ZFPM2: variants seen among roughly 807,000 people sequenced by gnomAD.
ZFPM2 encodes zinc finger protein, FOG family member 2, also known as zinc finger protein ZFPM2.
Under a neutral mutation model 98.6 loss-of-function variants are expected in ZFPM2, and 20 were observed. That is an observed-to-expected ratio of 0.20 (90% CI 0.14 to 0.29). ZFPM2 has a LOEUF of 0.29. ZFPM2 is among the 10% of genes least tolerant of loss of function. ZFPM2 has a pLI of 1.00. For synonymous variants in ZFPM2, 518 were observed against 502.7 expected (o/e 1.03, Z -0.41); for missense variants, 1,310 against 1,388.6 (o/e 0.94, Z 0.90).
chr8:105,749,593 CTT>C (rs1294003079), intron 5 of ZFPM2, among the ~76,000 whole-genome samples: 2 of 152,008 alleles, frequency 1.3e-5, no homozygotes, highest in Non-Finnish European at 1.5e-5. Context: ...TGGGAGCTCT[CTT>C]TGTGAGCTGT....
chr8:105,697,068 A>T (rs1416256712), intron 5 of ZFPM2, among the ~76,000 whole-genome samples: 2 of 152,212 alleles, frequency 1.3e-5, no homozygotes, highest in Admixed American at 1.3e-4. Context: ...CTGTGAACAC[A>T]TGATTATCTG....
At chr8:105,365,405 G>C (rs555677903) in intron 1 of ZFPM2, among the ~76,000 whole-genome samples, 1 of 152,154 alleles carries the variant, frequency 6.6e-6, no homozygotes, top group African/African-American at 2.4e-5. Flanking sequence ...GCCTGTCTTG[G>C]GGTAGCAAAC....
chr8:105,508,913 G>T (rs1233199581), intron 3 of ZFPM2, among the ~76,000 whole-genome samples: 1 of 151,502 alleles, frequency 6.6e-6, no homozygotes, highest in Non-Finnish European at 1.5e-5. Context: ...AGCTGCTTGA[G>T]TGTGTTTAGA....
At position 105,803,353 on chromosome 8, in the gene ZFPM2, T is replaced by G. The variant is rs1470440375; in HGVS notation, c.3271T>G (p.Ser1091Ala). The change falls in exon 8 of 8, where the codon TCA becomes GCA. Residue 1091 changes from serine (S) to alanine (A), a missense_variant. Transcript: ENST00000407775. ...CCCATTAGCTGCCAATGAGAATGTC[T>G]CACCAGGAATTCCCTCAGCAGAGGA... ...ENPLAANENVSPGIPSAEEQL... is the reference protein window; with the variant it reads ...ENPLAANENVAPGIPSAEEQL... The G allele has an allele frequency of 1.2e-6, 2 of 1,610,420 alleles. No individual in the cohort carries two copies. The highest frequency in any genetic ancestry group is 2.7e-5 in the African/African-American group (2 of 74,816).
At chr8:105,715,179 A>T (rs1811489362) in intron 5 of ZFPM2, among the ~76,000 whole-genome samples, 1 of 152,044 alleles carries the variant, frequency 6.6e-6, no homozygotes, top group Non-Finnish European at 1.5e-5. Flanking sequence ...TGGGAGAATC[A>T]CTTGAGCCCA....
chr8:105,554,679 A>G (rs1469123056), intron 3 of ZFPM2, among the ~76,000 whole-genome samples: 1 of 152,198 alleles, frequency 6.6e-6, no homozygotes, highest in African/African-American at 2.4e-5. Flanking sequence ...AGCAAATGCA[A>G]TATGATCTTC....
intron 6 of ZFPM2, among the ~76,000 whole-genome samples, chr8:105,790,440 T>C (rs911463266): frequency 5.9e-5 from 9 of 152,222 alleles, no homozygotes; most frequent in African/African-American, 1.9e-4. Flanking sequence ...TTCTGTTCCA[T>C]TGATCTATAT....
At chr8:105,658,911 A>G (rs1817338981) in intron 5 of ZFPM2, among the ~76,000 whole-genome samples, 1 of 152,236 alleles carries the variant, frequency 6.6e-6, no homozygotes, top group Non-Finnish European at 1.5e-5. Context: ...AATTGAAGCT[A>G]TGAAAGGAAT....
At chr8:105,496,652 ACT>A (rs1168295506) in intron 3 of ZFPM2, among the ~76,000 whole-genome samples, 1 of 138,640 alleles carries the variant, frequency 7.2e-6, no homozygotes, top group African/African-American at 2.7e-5. Context: ...TGTTGAAGTG[ACT>A]CTTTTTTTTG....
At chr8:105,329,258 A>G (rs926600092) in intron 1 of ZFPM2, among the ~76,000 whole-genome samples, 1 of 151,862 alleles carries the variant, frequency 6.6e-6, no homozygotes, top group African/African-American at 2.4e-5. Context: ...CTGAAGGACA[A>G]AAAGGTCAGT....
intron 5 of ZFPM2, among the ~76,000 whole-genome samples, chr8:105,635,740 A>G (rs776796931): frequency 5.3e-5 from 8 of 152,218 alleles, no homozygotes; most frequent in Non-Finnish European, 7.3e-5. Flanking sequence ...CTGTTGTACA[A>G]TATTTTATCT....
intron 3 of ZFPM2, among the ~76,000 whole-genome samples, chr8:105,542,015 T>C (rs2130627674): frequency 6.6e-6 from 1 of 152,206 alleles, no homozygotes; most frequent in Middle Eastern, 3.4e-3. Context: ...GGAAAATAAG[T>C]AAAATAAACA....
intron 5 of ZFPM2, among the ~76,000 whole-genome samples, chr8:105,765,568 C>T (rs1237878255): frequency 6.6e-6 from 1 of 151,736 alleles, no homozygotes; most frequent in Admixed American, 6.6e-5. Flanking sequence ...GAGTGTTGCA[C>T]CAAATGGTAG....
chr8:105,729,146 C>T (rs1270684944), intron 5 of ZFPM2, among the ~76,000 whole-genome samples: 4 of 151,540 alleles, frequency 2.6e-5, no homozygotes, highest in East Asian at 1.9e-4. Flanking sequence ...CACTATTTTT[C>T]GATATAGAAA....
At chr8:105,710,471 G>A (rs546389495) in intron 5 of ZFPM2, among the ~76,000 whole-genome samples, 6 of 152,030 alleles carry the variant, frequency 3.9e-5, no homozygotes, top group Non-Finnish European at 8.8e-5. Context: ...ATGGTGAAAG[G>A]AAATTCTTTT....
intron 4 of ZFPM2, among the ~76,000 whole-genome samples, chr8:105,629,299 G>C (rs368770048): frequency 6.6e-6 from 1 of 152,134 alleles, no homozygotes; most frequent in Non-Finnish European, 1.5e-5. Context: ...CCTGTGAAGG[G>C]GTCAGGGAAA....
intron 1 of ZFPM2, among the ~76,000 whole-genome samples, chr8:105,322,965 A>G (rs1250432024): frequency 2.0e-5 from 3 of 151,956 alleles, no homozygotes; most frequent in Non-Finnish European, 4.4e-5. Flanking sequence ...GGTTATAGTC[A>G]ATATTTTATG....
intron 5 of ZFPM2, among the ~76,000 whole-genome samples, chr8:105,657,301 G>A (rs1817304467): frequency 6.6e-6 from 1 of 151,988 alleles, no homozygotes; most frequent in Admixed American, 6.6e-5. Context: ...ACCACACCTG[G>A]CTAATTTTTG....
At chr8:105,433,120 G>T (rs1812051701) in intron 2 of ZFPM2, among the ~76,000 whole-genome samples, 1 of 152,098 alleles carries the variant, frequency 6.6e-6, no homozygotes. Context: ...TTCCTTGAAT[G>T]CCTTGTTTTC....
Sources: allele counts gnomAD v4.1 joint callset (sites outside exome capture counted in the v4.1 genomes callset), GRCh38; gene constraint gnomAD v4.1.1; transcripts MANE v1.5; gene names NCBI Gene and HGNC (gene_info 2026-07-23, HGNC 2026-07-21).